L3MBTL4: variants seen among roughly 807,000 people sequenced by gnomAD.
The protein encoded by L3MBTL4 is lethal(3)malignant brain tumor-like protein 4.
Under a neutral mutation model 84.5 loss-of-function variants are expected in L3MBTL4, and 70 were observed. That is an observed-to-expected ratio of 0.83 (90% CI 0.68 to 1.01). The LOEUF (loss-of-function observed/expected upper bound fraction) is 1.01, where lower values mean the gene tolerates loss of function less well. Ranked by LOEUF, L3MBTL4 falls within the 50% of genes least tolerant of loss-of-function variation. The pLI is 0.00. For missense variants in L3MBTL4, 715 were observed against 754.8 expected (o/e 0.95, Z 0.62); for synonymous variants, 274 against 259.8 (o/e 1.05, Z -0.52).
chr18:6,288,872 G>A (rs973578862), intron 4 of L3MBTL4, among the ~76,000 whole-genome samples: 3 of 151,402 alleles, frequency 2.0e-5, no homozygotes, highest in African/African-American at 7.3e-5. Context: ...TTATATTATT[G>A]TTAAATAATA....
At chr18:5,986,473 A>C (rs28506849) in intron 16 of L3MBTL4, among the ~76,000 whole-genome samples, 6,939 of 152,298 alleles carry the variant, frequency 0.046, 517 homozygotes, top group African/African-American at 0.16. Flanking sequence ...TCATATGATG[A>C]GGTCATCTTT....
intron 1 of L3MBTL4, among the ~76,000 whole-genome samples, chr18:6,356,027 C>T (rs938159892): frequency 2.6e-5 from 4 of 152,192 alleles, no homozygotes; most frequent in Admixed American, 6.5e-5. Context: ...AGCTCAATCA[C>T]AGCCCTCAAA....
chr18:6,024,779 A>G (rs1193938885), intron 16 of L3MBTL4, among the ~76,000 whole-genome samples: 1 of 152,108 alleles, frequency 6.6e-6, no homozygotes, highest in Non-Finnish European at 1.5e-5. Context: ...TTTTCTAATT[A>G]CTCAAATCAA....
At chr18:5,967,935 A>G (rs477591) in intron 17 of L3MBTL4, among the ~76,000 whole-genome samples, 3,627 of 152,338 alleles carry the variant, frequency 0.024, 139 homozygotes, top group African/African-American at 0.078. Context: ...CATGCCCAGA[A>G]TTCTGCCTTC....
intron 4 of L3MBTL4, among the ~76,000 whole-genome samples, chr18:6,279,892 G>A (rs192752597): frequency 1.8e-4 from 27 of 152,174 alleles, no homozygotes; most frequent in Non-Finnish European, 3.1e-4. Context: ...ATATAGCTCC[G>A]GTTATTACTG....
chr18:5,958,488 G>A (rs547004458), intron 18 of L3MBTL4, among the ~76,000 whole-genome samples: 13 of 152,278 alleles, frequency 8.5e-5, no homozygotes, highest in Admixed American at 7.8e-4. Flanking sequence ...GAATAAGGTC[G>A]TGATGGTGAC....
chr18:6,019,135 C>A (rs1331309101), intron 16 of L3MBTL4, among the ~76,000 whole-genome samples: 2 of 152,156 alleles, frequency 1.3e-5, no homozygotes, highest in Non-Finnish European at 2.9e-5. Context: ...TGCTGCTTCA[C>A]GGACAGTCAC....
chr18:6,362,132 G>A (rs955591276), intron 1 of L3MBTL4, among the ~76,000 whole-genome samples: 3 of 84,208 alleles, frequency 3.6e-5, no homozygotes, highest in African/African-American at 1.9e-4. Flanking sequence ...GAAAAGAGGA[G>A]AGGAGAGGGG....
intron 1 of L3MBTL4, among the ~76,000 whole-genome samples, chr18:6,405,134 C>T (rs889463207): frequency 1.3e-5 from 2 of 152,190 alleles, no homozygotes; most frequent in Admixed American, 1.3e-4. Context: ...CAGTATAACA[C>T]CCAACTAGGA....
At position 5,955,164 on chromosome 18, in the gene L3MBTL4, C is replaced by A. The variant is rs2095220015; in HGVS notation, c.*1056G>T. On this transcript the variant is annotated 3_prime_UTR_variant, in exon 19 of 19. Transcript: ENST00000317931. ...TCTTTCAACACTGTGGGACTGATTC[C>A]ACACAACTTAAGCCTCCGATACAAT... The A allele has an allele frequency of 6.6e-6, 1 of 152,158 alleles. No individual in the cohort carries two copies. 9.4% of individuals were successfully genotyped at this position (152,158 alleles called of 1,614,324 possible).
intron 13 of L3MBTL4, among the ~76,000 whole-genome samples, chr18:6,164,043 T>C (rs1469157600): frequency 6.6e-6 from 1 of 152,354 alleles, no homozygotes; most frequent in Middle Eastern, 3.4e-3. Flanking sequence ...ATCCTGCACC[T>C]GGCTTGGAAG....
intron 14 of L3MBTL4, among the ~76,000 whole-genome samples, chr18:6,093,899 A>C (rs866088765): frequency 3.9e-5 from 6 of 152,240 alleles, no homozygotes; most frequent in Non-Finnish European, 8.8e-5. Flanking sequence ...CTGTATCAGA[A>C]AAGACTATGG....
chr18:6,030,247 G>C, intron 16 of L3MBTL4: 2 of 957,692 alleles, frequency 2.1e-6, no homozygotes, highest in Non-Finnish European at 1.2e-6. Context: ...ATCAGGTTCA[G>C]GGAGAGATAC....
rs2055629697 is a variant in L3MBTL4 at position 6,028,657 on chromosome 18, CCT to C, written c.1444+52222_1444+52223del. On this transcript the variant is annotated intron_variant, in intron 16 of 18. Coordinates refer to ENST00000317931, the MANE Select transcript of L3MBTL4 (RefSeq NM_001330559.2). The stretch of plus-strand genomic sequence containing the variant: ...GGCCATTTTCATGATATTGATTCTT[CCT>C]ATCCATAAGCATGGAATGTTTTTCC... Among the ~76,000 whole-genome samples the C allele has an allele frequency of 4.6e-5, 7 of 152,278 alleles. No individual in the cohort carries two copies. The South Asian group carries it at 1.2e-3, about 27-fold the overall frequency.
intron 13 of L3MBTL4, among the ~76,000 whole-genome samples, chr18:6,150,846 T>C (rs904221918): frequency 9.2e-5 from 14 of 152,180 alleles, no homozygotes; most frequent in African/African-American, 3.4e-4. Context: ...AAATGTTCGC[T>C]GGCACCTTGG....
At chr18:6,382,764 T>G (rs1177912685) in intron 1 of L3MBTL4, among the ~76,000 whole-genome samples, 1 of 152,212 alleles carries the variant, frequency 6.6e-6, no homozygotes, top group Non-Finnish European at 1.5e-5. Context: ...TACTCGGAGA[T>G]GTCTCCCAGT....
At chr18:6,139,495 GCACA>G (rs142047031) in intron 13 of L3MBTL4, among the ~76,000 whole-genome samples, 1 of 149,790 alleles carries the variant, frequency 6.7e-6, no homozygotes, top group Non-Finnish European at 1.5e-5. Flanking sequence ...AAACACACAT[GCACA>G]CACACACACA....
At chr18:6,107,254 G>C (rs2059041011) in intron 14 of L3MBTL4, among the ~76,000 whole-genome samples, 1 of 152,192 alleles carries the variant, frequency 6.6e-6, no homozygotes, top group Non-Finnish European at 1.5e-5. Flanking sequence ...GCCTCAATCA[G>C]TTCAAGAGAG....
chr18:6,222,562 TTC>T (rs1398425492), intron 10 of L3MBTL4, among the ~76,000 whole-genome samples: 1 of 152,214 alleles, frequency 6.6e-6, no homozygotes, highest in South Asian at 2.1e-4. Context: ...TGAGTTCTAT[TTC>T]TCTCTGTCTC....
Sources: gnomAD v4.1 joint callset for allele counts (sites outside exome capture counted in the v4.1 genomes callset) on GRCh38, gnomAD v4.1.1 for gene constraint, MANE v1.5 for transcripts, NCBI Gene and HGNC (gene_info 2026-07-23, HGNC 2026-07-21) for gene names.